The following AGO3 variants were observed in gnomAD, a reference collection of about 807,000 sequenced individuals.
AGO3 encodes the protein argonaute RISC catalytic component 3, also known as protein argonaute-3.
Under a neutral mutation model 105.5 loss-of-function variants are expected in AGO3, and 16 were observed. The observed-to-expected ratio is 0.15, with a 90% CI of 0.10 to 0.23. The LOEUF (loss-of-function observed/expected upper bound fraction) is 0.23. Among genes scored for constraint, AGO3 ranks in the 10% least tolerant of loss-of-function variants. AGO3 has a pLI of 1.00. For synonymous variants in AGO3, 340 were observed against 367.3 expected (o/e 0.93, Z 0.85); for missense variants, 534 against 1,088.0 (o/e 0.49, Z 7.16).
rs756415658 is a variant in AGO3, at chr1:36,056,656, C to T, written c.*911C>T. Reference sequence around the variant, plus strand: ...GTGAGAGTGCGTCTCTCCCCTCCCACTCAGAACATACATTTACCATTTGCG... The same window carrying T: ...GTGAGAGTGCGTCTCTCCCCTCCCATTCAGAACATACATTTACCATTTGCG... On this transcript the variant is annotated 3_prime_UTR_variant, in exon 19 of 19. Coordinates refer to ENST00000373191, the MANE Select transcript of AGO3 (RefSeq NM_024852.4). The T allele has an allele frequency of 2.0e-5, 3 of 152,046 alleles. No individual in the cohort carries two copies. Among genetic ancestry groups the T allele is most frequent in the Non-Finnish European group, 2.9e-5 (2 of 68,014 alleles). 9.4% of individuals were successfully genotyped at this position (152,046 alleles called of 1,614,324 possible).
At chr1:35,963,383 A>G (rs1557654051) in intron 2 of AGO3, among the ~76,000 whole-genome samples, 1 of 120,346 alleles carries the variant, frequency 8.3e-6, no homozygotes, top group African/African-American at 4.0e-5. Context: ...ATACCATAAT[A>G]AATATACCAC....
chr1:36,013,603 G>A, intron 9 of AGO3, 27 bp from the exon 10 acceptor site: 3 of 1,610,946 alleles, frequency 1.9e-6, no homozygotes, highest in Non-Finnish European at 2.5e-6. Context: ...AATTTTGAGA[G>A]TAACTACAAA....
At chr1:35,994,953 C>G (rs1239068781) in intron 5 of AGO3, among the ~76,000 whole-genome samples, 1 of 151,934 alleles carries the variant, frequency 6.6e-6, no homozygotes, top group Non-Finnish European at 1.5e-5. Flanking sequence ...ATCAGGCTTA[C>G]TTTGGGAGGC....
intron 17 of AGO3, among the ~76,000 whole-genome samples, chr1:36,047,520 T>C (rs983949061): frequency 2.0e-5 from 3 of 150,918 alleles, no homozygotes; most frequent in African/African-American, 7.3e-5. Context: ...AGTAAGCAAA[T>C]AAATATTTGT....
chr1:35,946,658 A>G lies in AGO3; in HGVS notation c.191+795A>G, dbSNP rs117051901. On this transcript the variant is annotated intron_variant, in intron 2 of 18. Transcript: ENST00000373191. ...TCTCTCAAGAAATTTGTAATTTGGT[A>G]GAGGAAATAAGACATGTAAGAAGTA... is the stretch of plus-strand genomic sequence containing the variant. Among the ~76,000 whole-genome samples the G allele has an allele frequency of 1.1e-3, 167 of 152,362 alleles. 3 individuals carry two copies. In the East Asian group the frequency reaches 0.011, roughly 10 times the overall value.
At chr1:36,009,131 C>A in intron 8 of AGO3, 87 bp downstream of exon 8, 1 of 1,352,258 alleles carries the variant, frequency 7.4e-7, no homozygotes, top group Non-Finnish European at 9.4e-7. Flanking sequence ...TCATACAGAA[C>A]ATTTATTTTG....
At chr1:35,967,144 C>T in intron 3 of AGO3, 69 bp downstream of exon 3, 2 of 1,522,722 alleles carry the variant, frequency 1.3e-6, no homozygotes, top group East Asian at 4.6e-5. Context: ...CATTTATTAC[C>T]ATTTTTATTA....
rs1643040415 is a variant in AGO3, at chr1:36,062,669, G to A, written c.*6924G>A. 6.6e-6 allele frequency: 1 copy of A among 152,158 alleles called. No homozygotes were observed. The highest frequency in any genetic ancestry group is 6.5e-5 in the Admixed American group (1 of 15,280). 9.4% of individuals were successfully genotyped at this position (152,158 alleles called of 1,614,324 possible). On this transcript the variant is annotated 3_prime_UTR_variant, in exon 19 of 19. Transcript: ENST00000373191. ...GGGCAATTTTGCTCCATACCAGGAA[G>A]CAGTAAATAGCAGTAAATGATCACC...
At chr1:35,932,750 A>T (rs1353572363) in intron 1 of AGO3, among the ~76,000 whole-genome samples, 2 of 152,160 alleles carry the variant, frequency 1.3e-5, no homozygotes, top group Non-Finnish European at 2.9e-5. Context: ...CCCTTTTAAA[A>T]AAATTACCAT....
intron 2 of AGO3, among the ~76,000 whole-genome samples, chr1:35,964,172 T>C (rs1646731418): frequency 6.6e-6 from 1 of 152,178 alleles, no homozygotes; most frequent in African/African-American, 2.4e-5. Context: ...CAGAGGTATA[T>C]GTACAGGTTT....
At chr1:35,951,622 C>G (rs550578003) in intron 2 of AGO3, among the ~76,000 whole-genome samples, 13 of 152,172 alleles carry the variant, frequency 8.5e-5, no homozygotes, top group African/African-American at 2.4e-4. Context: ...CTCATGGGCT[C>G]AAGACATCCA....
intron 5 of AGO3, chr1:36,004,050 T>C (rs1335668520): frequency 4.2e-6 from 1 of 238,400 alleles, no homozygotes; most frequent in Non-Finnish European, 8.0e-6. Flanking sequence ...GGCTCCAGCC[T>C]TCTTTGTCTC....
chr1:36,044,398 G>T (rs808040), intron 17 of AGO3, among the ~76,000 whole-genome samples: 95,539 of 151,094 alleles, frequency 0.63, 33,137 homozygotes, highest in Non-Finnish European at 0.8. Flanking sequence ...GTTTTTTTTT[G>T]TTGTTGTTGT....
At chr1:36,045,050 G>A (rs1311585496) in intron 17 of AGO3, among the ~76,000 whole-genome samples, 2 of 151,948 alleles carry the variant, frequency 1.3e-5, no homozygotes, top group East Asian at 3.9e-4. Flanking sequence ...TTAAATTATT[G>A]TCTGACTCAT....
At chr1:35,994,021 T>C (rs1648001731) in intron 5 of AGO3, among the ~76,000 whole-genome samples, 1 of 147,932 alleles carries the variant, frequency 6.8e-6, no homozygotes, top group Non-Finnish European at 1.5e-5. Context: ...TGGGATTACA[T>C]GCGTGAGCCA....
Position 35,972,183 on chromosome 1 carries a change from A to C in AGO3, c.472A>C (p.Asn158His), listed in dbSNP as rs1401125603. The C allele has an allele frequency of 1.2e-6, 2 of 1,613,968 alleles. No individual in the cohort carries two copies. ...PLELDKPIST[N>H]PVHAVDVVLR... ...GGAATTAGACAAGCCAATCAGCACT[A>C]ACCCTGTCCATGCCGTTGATGTGGT... is the stretch of plus-strand genomic sequence containing the variant. The change falls in exon 4 of 19, where the codon AAC (asparagine) becomes CAC (histidine). Residue 158 changes from asparagine to histidine, a missense_variant. Around this residue, in one of 2 missense-constraint regions of AGO3, gnomAD observed 161 missense variants for 234.0 expected, o/e 0.69. Coordinates refer to ENST00000373191, the MANE Select transcript of AGO3 (RefSeq NM_024852.4).
Position 36,070,582 on chromosome 1 carries a change from CAG to C in AGO3, c.*14838_*14839del, listed in dbSNP as rs1478714825. On this transcript the variant is annotated 3_prime_UTR_variant, in exon 19 of 19. Coordinates refer to ENST00000373191, the MANE Select transcript of AGO3 (RefSeq NM_024852.4). Reference sequence around the variant, plus strand: ...GAAAAAAGGATGCATTTTAGGTACACAGGGTATGGACGCATTCAACATTTACT... The same window carrying C: ...GAAAAAAGGATGCATTTTAGGTACACGGTATGGACGCATTCAACATTTACT... The C allele has an allele frequency of 4.6e-5, 7 of 152,180 alleles. No homozygotes were observed. The highest frequency in any genetic ancestry group is 1.7e-4 in the African/African-American group (7 of 41,430). The allele number at this position is 152,180 out of a possible 1,614,324, so 9.4% of individuals were successfully genotyped here. A position where few individuals can be genotyped will look rare whatever the true frequency, so the allele number is the denominator to read the frequency against.
intron 5 of AGO3, among the ~76,000 whole-genome samples, chr1:35,985,875 C>G (rs1647163761): frequency 6.6e-6 from 1 of 151,964 alleles, no homozygotes; most frequent in Non-Finnish European, 1.5e-5. Context: ...AATATAAGAA[C>G]AGATAAATTG....
intron 13 of AGO3, 81 bp downstream of exon 13, chr1:36,034,414 G>A: frequency 1.9e-6 from 2 of 1,052,266 alleles, no homozygotes; most frequent in Non-Finnish European, 1.3e-6. Context: ...ACTACTATAA[G>A]GGCTGTGTAA....
Sources: gnomAD v4.1 joint callset for allele counts (sites outside exome capture counted in the v4.1 genomes callset) on GRCh38, gnomAD v4.1.1 for gene constraint, gnomAD v4.1.1 regional missense constraint, MANE v1.5 for transcripts, NCBI Gene and HGNC (gene_info 2026-07-23, HGNC 2026-07-21) for gene names.